PHB2: variants seen among roughly 807,000 people sequenced by gnomAD.
PHB2 encodes prohibitin-2.
Under a neutral mutation model 46.4 loss-of-function variants are expected in PHB2, and 22 were observed. The ratio of observed to expected loss-of-function variants is 0.47; its 90% CI spans 0.34 to 0.68. The LOEUF is 0.68. Among genes scored for constraint, PHB2 ranks in the 30% least tolerant of loss-of-function variants. The pLI is 0.01. For synonymous variants in PHB2, 156 were observed against 150.5 expected, an observed-to-expected ratio of 1.04 and a Z score of -0.27; for missense variants, 305 against 382.8, an observed-to-expected ratio of 0.80 and a Z score of 1.70.
chr12:6,967,418 G>T lies in PHB2; in HGVS notation c.712-170C>A. On this transcript the variant is annotated intron_variant, in intron 6 of 9. Transcript: ENST00000535923. This position sits in a 1 kb window ranked among gnomAD's most constrained non-coding sequence, Gnocchi z 4.9. The stretch of plus-strand genomic sequence containing the variant: ...CCTGTGGGCCTCCCTGCAGGCTGCT[G>T]CCAGGAACTAGGGGCAGCACCAGAA... 1.4e-6 allele frequency: 2 copies of T among 1,466,826 alleles called. No homozygotes were observed. The highest frequency in any genetic ancestry group is 9.5e-7 in the Non-Finnish European group (1 of 1,052,694). 90.9% of individuals were successfully genotyped at this position (1,466,826 alleles called of 1,614,324 possible).
Position 6,967,389 on chromosome 12 carries a change from C to T in PHB2, c.712-141G>A. 1 of 1,596,478 alleles carries T rather than the reference C, an allele frequency of 6.3e-7. No individual in the cohort carries two copies. Among genetic ancestry groups the T allele is most frequent in the African/African-American group, 1.3e-5 (1 of 74,772 alleles). On this transcript the variant is annotated intron_variant, in intron 6 of 9. Transcript: ENST00000535923. The surrounding 1 kb of genome is among the most constrained non-coding windows in gnomAD (Gnocchi z 4.9). ...GCTTGTGCCCAGCCCTACCGTGGACCCCACCTGTGGGCCTCCCTGCAGGCT... is the reference window on the plus strand; with the variant it reads ...GCTTGTGCCCAGCCCTACCGTGGACTCCACCTGTGGGCCTCCCTGCAGGCT...
chr12:6,968,115 T>C, intron 4 of PHB2, 94 bp from the exon 5 acceptor site: 4 of 1,122,358 alleles, frequency 3.6e-6, no homozygotes, highest in Non-Finnish European at 5.1e-6. Flanking sequence ...TCACTCTCAA[T>C]ACAACATGCA....
rs782412369 is a variant in PHB2, at chr12:6,965,331, A to G, written c.*354T>C. On this transcript the variant is annotated 3_prime_UTR_variant, in exon 10 of 10. Coordinates refer to ENST00000535923, the MANE Select transcript of PHB2 (RefSeq NM_001144831.2). The stretch of plus-strand genomic sequence containing the variant: ...ATGCTTGCTGCCAGTTACCCAGTTC[A>G]TGAACACGTGAAGCCTTGACTTCAG... 5.7e-6 allele frequency: 2 copies of G among 347,980 alleles called. No individual in the cohort carries two copies. Among genetic ancestry groups the G allele is most frequent in the Non-Finnish European group, 1.1e-5 (2 of 179,922 alleles). 21.6% of individuals were successfully genotyped at this position (347,980 alleles called of 1,614,324 possible). A position where few individuals can be genotyped will look rare whatever the true frequency, so the allele number is the denominator to read the frequency against.
Position 6,965,624 on chromosome 12 carries a change from T to A in PHB2, c.*61A>T. On this transcript the variant is annotated 3_prime_UTR_variant, in exon 10 of 10. Coordinates refer to ENST00000535923, the MANE Select transcript of PHB2 (RefSeq NM_001144831.2). ...GGGCTGTGCTGGACCCCTGGCTGGCTCCTCAAAAACTGGAGAAGCAGATCC... is the reference window on the plus strand; with the variant it reads ...GGGCTGTGCTGGACCCCTGGCTGGCACCTCAAAAACTGGAGAAGCAGATCC... 1 of 1,449,642 alleles carries A rather than the reference T, an allele frequency of 6.9e-7. No homozygotes were observed. The highest frequency in any genetic ancestry group is 9.6e-7 in the Non-Finnish European group (1 of 1,037,876). The allele number at this position is 1,449,642 out of a possible 1,614,324, so 89.8% of individuals were successfully genotyped here. A position where few individuals can be genotyped will look rare whatever the true frequency, so the allele number is the denominator to read the frequency against.
In PHB2 at chr12:6,967,507, TACC is replaced by T. The variant is rs781895166; in HGVS notation, c.711+166_711+168del. 7 of 905,290 alleles carry T rather than the reference TACC, an allele frequency of 7.7e-6. No homozygotes were observed. The highest frequency in any genetic ancestry group is 1.6e-5 in the African/African-American group (1 of 61,672). The allele number at this position is 905,290 out of a possible 1,614,324, so 56.1% of individuals were successfully genotyped here. On this transcript the variant is annotated intron_variant, in intron 6 of 9. Coordinates refer to ENST00000535923, the MANE Select transcript of PHB2 (RefSeq NM_001144831.2). The surrounding 1 kb of genome is among the most constrained non-coding windows in gnomAD (Gnocchi z 4.9). ...CAGTGGGGAGTCATGGCTCAGGTACTACCACTAAGATTTCAGATCTCATCTGTA... is the reference window on the plus strand; with the variant it reads ...CAGTGGGGAGTCATGGCTCAGGTACTACTAAGATTTCAGATCTCATCTGTA...
chr12:6,970,113 C>T, intron 2 of PHB2, 83 bp downstream of exon 2: 1 of 1,013,752 alleles, frequency 9.9e-7, no homozygotes, highest in Non-Finnish European at 1.6e-6. Context: ...AGCGTTGAAT[C>T]CTGTTGCACG....
intron 8 of PHB2, 74 bp downstream of exon 8, chr12:6,966,350 G>T: frequency 1.1e-6 from 1 of 904,488 alleles, no homozygotes; most frequent in Non-Finnish European, 1.9e-6. Flanking sequence ...GCTGTAGCAG[G>T]CTCCAGAGCC....
In PHB2 at chr12:6,967,556, G is replaced by T; in HGVS notation, c.711+120C>A. ...CTGTAGTCCCCACCCCCAACAAGGA[G>T]CCAAGGGCCAGAGAGCACGGAGTCG... On this transcript the variant is annotated intron_variant, in intron 6 of 9. Transcript: ENST00000535923. The surrounding 1 kb of genome is among the most constrained non-coding windows in gnomAD (Gnocchi z 4.9). 3 of 964,350 alleles carry T rather than the reference G, an allele frequency of 3.1e-6. No individual in the cohort carries two copies. The highest frequency in any genetic ancestry group is 1.3e-5 in the South Asian group (1 of 77,664). 59.7% of individuals were successfully genotyped at this position (964,350 alleles called of 1,614,324 possible). A position where few individuals can be genotyped will look rare whatever the true frequency, so the allele number is the denominator to read the frequency against.
At position 6,970,481 on chromosome 12, in the gene PHB2, C is replaced by T; in HGVS notation, c.63G>A (p.Thr21=). The change falls in exon 1 of 10, where the codon ACG becomes ACA. Residue 21 remains threonine, a synonymous_variant. Coordinates refer to ENST00000535923, the MANE Select transcript of PHB2 (RefSeq NM_001144831.2). ...RLPAGPRGMG[T]ALKLLLGAGA... ...CGGCCCCCAGCAACAGCTTCAGGGC[C>T]GTGCCCATGCCCCGGGGCCCGGCGG... The T allele has an allele frequency of 3.1e-6, 5 of 1,605,568 alleles. No individual in the cohort carries two copies. The highest frequency in any genetic ancestry group is 3.4e-6 in the Non-Finnish European group (4 of 1,179,044).
At chr12:6,966,181 T>C (rs782800135) in intron 8 of PHB2, among the ~76,000 whole-genome samples, 6 of 152,354 alleles carry the variant, frequency 3.9e-5, no homozygotes, top group African/African-American at 1.2e-4. Context: ...GTATCATCTT[T>C]CATCACTTTT....
chr12:6,966,051 G>T (rs1352978390), intron 8 of PHB2, 135 bp from the exon 9 acceptor site: 3 of 924,388 alleles, frequency 3.2e-6, no homozygotes, highest in Non-Finnish European at 5.1e-6. Context: ...TGACAGCCAG[G>T]AATCTCAGGC....
Position 6,970,457 on chromosome 12 carries a change from G to T in PHB2, c.87C>A (p.Ala29=), listed in dbSNP as rs782155947. 1.2e-5 allele frequency: 20 copies of T among 1,604,686 alleles called. No homozygotes were observed. Among genetic ancestry groups the T allele is most frequent in the Middle Eastern group, 3.3e-4 (2 of 6,050 alleles). ...CGCGCACACCGTAGGCCACGGCGCC[G>T]GCCCCCAGCAACAGCTTCAGGGCCG... ...MGTALKLLLG[A]GAVAYGVRES... The change falls in exon 1 of 10, where the codon GCC becomes GCA. Residue 29 remains alanine (A), a synonymous_variant. Coordinates refer to ENST00000535923, the MANE Select transcript of PHB2 (RefSeq NM_001144831.2).
chr12:6,967,693 C>A lies in PHB2; in HGVS notation c.694G>T (p.Ala232Ser). 1 of 1,613,438 alleles carries A rather than the reference C, an allele frequency of 6.2e-7. No homozygotes were observed. The highest frequency in any genetic ancestry group is 8.5e-7 in the Non-Finnish European group (1 of 1,179,530). ...AAGGATATCATCTTGGCAGCCTCGG[C>A]CTCACCCTCGGCCTGCACAATTTTC... is the stretch of plus-strand genomic sequence containing the variant. Reference protein sequence around the residue: ...RQKIVQAEGEAEAAKMLGEAL... With the variant: ...RQKIVQAEGESEAAKMLGEAL... Residue 232 changes from alanine to serine, a missense_variant, in exon 6 of 10, where the codon GCC becomes TCC. By Grantham distance (99) the Ala-to-Ser change is moderately conservative. This residue lies in a region of PHB2 where 241 missense variants were observed against 302.7 expected (regional missense o/e 0.80). Transcript: ENST00000535923. This position sits in a 1 kb window ranked among gnomAD's most constrained non-coding sequence, Gnocchi z 4.9.
At chr12:6,965,841 G>A (rs1555150694) in intron 9 of PHB2, 70 bp downstream of exon 9, 1 of 1,587,282 alleles carries the variant, frequency 6.3e-7, no homozygotes, top group East Asian at 2.2e-5. Flanking sequence ...AGGTGGGAAA[G>A]GGGGTAGGGT....
chr12:6,967,172 G>A lies in PHB2; in HGVS notation c.788C>T (p.Thr263Met), dbSNP rs374912504. The A allele has an allele frequency of 7.0e-6, 11 of 1,569,376 alleles. No homozygotes were observed. The highest frequency in any genetic ancestry group is 3.8e-5 in the Admixed American group (2 of 52,832). ...KIRAAQNISK[T>M]IATSQNRIYL... Reference sequence around the variant, plus strand: ...GAGACGCTGGGCTGACACACTCACCGTCTTGGAGATATTCTGGGCTGCTCG... The same window carrying A: ...GAGACGCTGGGCTGACACACTCACCATCTTGGAGATATTCTGGGCTGCTCG... The change falls in exon 7 of 10, where the codon ACG becomes ATG. Residue 263 changes from threonine to methionine, a missense_variant and splice_region_variant. Physicochemically the swap from Thr to Met is moderately conservative, Grantham distance 81 (BLOSUM62 -1). Around this residue, in one of 3 missense-constraint regions of PHB2, gnomAD observed 241 missense variants for 302.7 expected, o/e 0.80. Transcript: ENST00000535923. The surrounding 1 kb of genome is among the most constrained non-coding windows in gnomAD (Gnocchi z 4.9).
At position 6,970,490 on chromosome 12, in the gene PHB2, G is replaced by A. The variant is rs782664035; in HGVS notation, c.54C>T (p.Gly18=). The change falls in exon 1 of 10, where the codon GGC becomes GGT. Residue 18 remains glycine (G), a synonymous_variant. Transcript: ENST00000535923. ...LAGRLPAGPR[G]MGTALKLLLG... The stretch of plus-strand genomic sequence containing the variant: ...GCAACAGCTTCAGGGCCGTGCCCAT[G>A]CCCCGGGGCCCGGCGGGCAGCCGTC... 8.1e-6 allele frequency: 13 copies of A among 1,605,342 alleles called. No homozygotes were observed. In the South Asian group the frequency reaches 1.4e-4, roughly 18 times the overall value.
At chr12:6,970,004 TTC>T (rs1565591437) in intron 2 of PHB2, 190 bp downstream of exon 2, 4 of 702,808 alleles carry the variant, frequency 5.7e-6, no homozygotes, top group South Asian at 3.0e-5. Context: ...CAAGGAGAGA[TTC>T]TCTTGTCCCT....
rs896254803 is a variant in PHB2 at position 6,967,213 on chromosome 12, G to T, written c.747C>A (p.Ile249=). The T allele has an allele frequency of 6.2e-7, 1 of 1,609,228 alleles. No individual in the cohort carries two copies. Among genetic ancestry groups the T allele is most frequent in the South Asian group, 1.1e-5 (1 of 90,238 alleles). The change falls in exon 7 of 10, where the codon ATC becomes ATA. Residue 249 remains isoleucine (I), a synonymous_variant. Transcript: ENST00000535923. The surrounding 1 kb of genome is among the most constrained non-coding windows in gnomAD (Gnocchi z 4.9). ...GGGCTGCTCGAATCTTGCGAAGTTT[G>T]ATGTAGCCAGGGTTCTTGCTCAGTG... is the stretch of plus-strand genomic sequence containing the variant. ...GEALSKNPGY[I]KLRKIRAAQN...
Position 6,967,804 on chromosome 12 carries a change from AC to A in PHB2, c.608-26del. On this transcript the variant is annotated intron_variant, in intron 5 of 9. Coordinates refer to ENST00000535923, the MANE Select transcript of PHB2 (RefSeq NM_001144831.2). This position sits in a 1 kb window ranked among gnomAD's most constrained non-coding sequence, Gnocchi z 4.9. ...GCTGTGGTGGGAGAGAGTCAGGGAGACCCTGTCCTGGGTCAGGAGCCCCACC... is the reference window on the plus strand; with the variant it reads ...GCTGTGGTGGGAGAGAGTCAGGGAGACCTGTCCTGGGTCAGGAGCCCCACC... 3 of 1,609,964 alleles carry A rather than the reference AC, an allele frequency of 1.9e-6. No homozygotes were observed. Among genetic ancestry groups the A allele is most frequent in the Non-Finnish European group, 2.5e-6 (3 of 1,177,162 alleles).
Sources: gnomAD v4.1 joint callset for allele counts (sites outside exome capture counted in the v4.1 genomes callset) on GRCh38, gnomAD v4.1.1 for gene constraint, gnomAD v4.1.1 regional missense constraint, Gnocchi (gnomAD v3.1) non-coding constraint, MANE v1.5 for transcripts, NCBI Gene and HGNC (gene_info 2026-07-23, HGNC 2026-07-21) for gene names.